The following CELF2 variants were observed in gnomAD, a reference collection of about 807,000 sequenced individuals.
CELF2 encodes the protein CUG triplet repeat RNA-binding protein 2.
A neutral mutation model predicts 62.6 loss-of-function variants in CELF2; 8 were observed. That is an observed-to-expected ratio of 0.13 (90% CI 0.07 to 0.23). CELF2 has a LOEUF of 0.23. Ranked by LOEUF, CELF2 falls within the 10% of genes least tolerant of loss-of-function variation. CELF2 has a pLI of 1.00. For missense variants in CELF2, 333 were observed against 671.0 expected (o/e 0.50, Z 5.56); for synonymous variants, 258 against 250.0 (o/e 1.03, Z -0.30).
At chr10:10,694,766 G>A in the CELF2 span, among the ~76,000 whole-genome samples, 2 of 151,536 alleles carry the variant, frequency 1.3e-5, no homozygotes, top group African/African-American at 4.9e-5. Flanking sequence ...CCATTATGTA[G>A]TGGCCTTCTT....
chr10:11,054,470 A>G (rs1409772002), intron 1 of CELF2, among the ~76,000 whole-genome samples: 2 of 139,402 alleles, frequency 1.4e-5, no homozygotes, highest in Non-Finnish European at 3.0e-5. Context: ...TAAAGAAGAA[A>G]ACAACTGTGT....
At chr10:10,986,750 G>C (rs1023740030) in intron 2 of CELF2, among the ~76,000 whole-genome samples, 4 of 152,168 alleles carry the variant, frequency 2.6e-5, no homozygotes, top group African/African-American at 9.7e-5. Flanking sequence ...CCTCTACAGG[G>C]CAATGTCTGC....
the CELF2 span, among the ~76,000 whole-genome samples, chr10:10,663,610 T>C: frequency 0.3 from 45,232 of 151,966 alleles, 7,321 homozygotes; most frequent in South Asian, 0.52. Flanking sequence ...GAGAGTAAAA[T>C]TGTTTGTGGA....
chr10:10,547,098 C>T, the CELF2 span, among the ~76,000 whole-genome samples: 1 of 152,130 alleles, frequency 6.6e-6, no homozygotes, highest in African/African-American at 2.4e-5. Flanking sequence ...CAGAGTGAGA[C>T]TCTGTCTTAA....
intron 2 of CELF2, among the ~76,000 whole-genome samples, chr10:11,171,595 C>T (rs193234673): frequency 1.1e-3 from 164 of 152,252 alleles, no homozygotes; most frequent in Non-Finnish European, 2.0e-3. Flanking sequence ...AGAATTGGCC[C>T]GAAGGTAGCC....
rs1210001224 is a variant in CELF2 at position 10,957,259 on chromosome 10, T to A, written c.89+37260T>A. On this transcript the variant is annotated intron_variant, in intron 2 of 13. Transcript: ENST00000636488. This position sits in a 1 kb window ranked among gnomAD's most constrained non-coding sequence, Gnocchi z 4.1. ...CCGATTTATGTATTTAGATATGACC[T>A]CAGGTGCTGGTAAAGTTATTGAAAG... 6.6e-6 allele frequency among the ~76,000 whole-genome samples: 1 copy of A among 152,246 alleles called. No homozygotes were observed. The highest frequency in any genetic ancestry group is 1.5e-5 in the Non-Finnish European group (1 of 68,042).
At chr10:10,683,701 AT>A in the CELF2 span, among the ~76,000 whole-genome samples, 1 of 152,248 alleles carries the variant, frequency 6.6e-6, no homozygotes, top group South Asian at 2.1e-4. Flanking sequence ...CATTGCGTGG[AT>A]AGCAGTTGTA....
chr10:10,980,181 G>C (rs1203775941), intron 2 of CELF2, among the ~76,000 whole-genome samples: 2 of 152,246 alleles, frequency 1.3e-5, no homozygotes, highest in East Asian at 3.9e-4. Flanking sequence ...CACAGGAGCA[G>C]ATCATTCCGG....
chr10:10,953,216 C>A (rs1388898815), intron 2 of CELF2, among the ~76,000 whole-genome samples: 1 of 152,128 alleles, frequency 6.6e-6, no homozygotes, highest in Non-Finnish European at 1.5e-5. Context: ...AGATAGGATG[C>A]CCACAAAAGA....
chr10:11,208,673 G>A (rs1804647559), intron 2 of CELF2, among the ~76,000 whole-genome samples: 1 of 152,216 alleles, frequency 6.6e-6, no homozygotes, highest in Non-Finnish European at 1.5e-5. Context: ...AATGACGGAA[G>A]GAAAGTTAGA....
At chr10:11,085,465 A>G (rs1383326916) in intron 1 of CELF2, among the ~76,000 whole-genome samples, 1 of 152,224 alleles carries the variant, frequency 6.6e-6, no homozygotes, top group Non-Finnish European at 1.5e-5. Context: ...TTTGATTGGC[A>G]AATTGTTATT....
chr10:10,699,771 G>T, the CELF2 span, among the ~76,000 whole-genome samples: 1 of 152,176 alleles, frequency 6.6e-6, no homozygotes, highest in Non-Finnish European at 1.5e-5. Flanking sequence ...TAAAGATTTT[G>T]GTCTTTCAGA....
chr10:10,467,249 C>T, the CELF2 span, among the ~76,000 whole-genome samples: 128 of 152,074 alleles, frequency 8.4e-4, 1 homozygote, highest in African/African-American at 2.9e-3. Flanking sequence ...GCATTTTGAG[C>T]TAATGTTTAT....
At chr10:10,692,995 C>T in the CELF2 span, among the ~76,000 whole-genome samples, 1 of 141,464 alleles carries the variant, frequency 7.1e-6, no homozygotes, top group African/African-American at 2.6e-5. Flanking sequence ...ATTGAATACC[C>T]TTTATTTCCT....
the CELF2 span, among the ~76,000 whole-genome samples, chr10:10,539,839 A>G: frequency 6.6e-6 from 1 of 152,208 alleles, no homozygotes; most frequent in East Asian, 1.9e-4. Context: ...AAAGTAAATG[A>G]CTTGGCTACC....
At position 11,247,661 on chromosome 10, in the gene CELF2, C is replaced by T. The variant is rs1414989497; in HGVS notation, c.355-1492C>T. 2.0e-5 allele frequency among the ~76,000 whole-genome samples: 3 copies of T among 151,502 alleles called. No homozygotes were observed. Among genetic ancestry groups the T allele is most frequent in the Non-Finnish European group, 2.9e-5 (2 of 67,920 alleles). On this transcript the variant is annotated intron_variant, in intron 3 of 12. Coordinates refer to ENST00000633077, the MANE Select transcript of CELF2 (RefSeq NM_001326342.2). This position sits in a 1 kb window ranked among gnomAD's most constrained non-coding sequence, Gnocchi z 5.4. ...CTGAAGGGAGGACCTTCTTCACTGGCCTTTGTTCCCAGTTTTTGGCCTAGA... is the reference window on the plus strand; with the variant it reads ...CTGAAGGGAGGACCTTCTTCACTGGTCTTTGTTCCCAGTTTTTGGCCTAGA...
the CELF2 span, among the ~76,000 whole-genome samples, chr10:10,465,846 G>A: frequency 2.0e-4 from 31 of 152,170 alleles, no homozygotes; most frequent in African/African-American, 7.0e-4. Context: ...CAAGCTCTAA[G>A]TCTTAACCTC....
At chr10:10,989,768 A>G (rs1371763940) in intron 2 of CELF2, among the ~76,000 whole-genome samples, 1 of 152,138 alleles carries the variant, frequency 6.6e-6, no homozygotes, top group African/African-American at 2.4e-5. Flanking sequence ...ATTAAAATAC[A>G]TAAATAAATA....
intron 1 of CELF2, among the ~76,000 whole-genome samples, chr10:11,087,749 G>A (rs1319618657): frequency 2.6e-5 from 4 of 152,192 alleles, no homozygotes; most frequent in African/African-American, 4.8e-5. Flanking sequence ...TTGCTGGATA[G>A]TGCTAGCAAA....
Sources: gnomAD v4.1 joint callset for allele counts (sites outside exome capture counted in the v4.1 genomes callset) on GRCh38, gnomAD v4.1.1 for gene constraint, Gnocchi (gnomAD v3.1) non-coding constraint, MANE v1.5 for transcripts, NCBI Gene and HGNC (gene_info 2026-07-23, HGNC 2026-07-21) for gene names.